Variants in FAAH2 observed in about 807,000 individuals in gnomAD.
The protein encoded by FAAH2 is fatty acid amide hydrolase 2.
Under a neutral mutation model 36.9 loss-of-function variants are expected in FAAH2, and 60 were observed. The observed-to-expected ratio is 1.63, with a 90% CI of 1.32 to 2.02. FAAH2 has a LOEUF of 2.02. Ranked by LOEUF, FAAH2 falls within the 30% of genes most tolerant of loss-of-function variation. FAAH2 has a pLI of 0.00. For synonymous variants in FAAH2, 214 were observed against 143.8 expected, an observed-to-expected ratio of 1.49 and a Z score of -3.49; for missense variants, 689 against 397.5, an observed-to-expected ratio of 1.73 and a Z score of -6.23.
chrX:57,420,631 G>A (rs1203800389), intron 7 of FAAH2, among the ~76,000 whole-genome samples: 3 of 109,479 alleles, frequency 2.7e-5, no homozygotes, highest in Non-Finnish European at 5.7e-5. Context: ...CTGAGACAAT[G>A]TGGTTTTCTA....
At chrX:57,172,308 C>A in the FAAH2 span, among the ~76,000 whole-genome samples, 5 of 110,941 alleles carry the variant, frequency 4.5e-5, no homozygotes, top group Admixed American at 9.6e-5. Flanking sequence ...GGAAGAGTTC[C>A]CTTGTCCCCC....
At chrX:57,342,659 C>A (rs763037405) in intron 5 of FAAH2, among the ~76,000 whole-genome samples, 4 of 110,754 alleles carry the variant, frequency 3.6e-5, no homozygotes, top group South Asian at 3.8e-4. Context: ...GGCACATATG[C>A]GGGCTTATTA....
At chrX:57,123,654 T>G in the FAAH2 span, among the ~76,000 whole-genome samples, 1 of 112,240 alleles carries the variant, frequency 8.9e-6, no homozygotes, top group East Asian at 2.8e-4. Context: ...CTACATCCTC[T>G]CCAGCACCTG....
the FAAH2 span, among the ~76,000 whole-genome samples, chrX:57,217,327 T>C: frequency 9.0e-6 from 1 of 111,191 alleles, no homozygotes; most frequent in Admixed American, 9.5e-5. Context: ...TGCATTTGCT[T>C]TTGGGTTTTT....
At chrX:57,177,577 AATATATATATATAT>A in the FAAH2 span, among the ~76,000 whole-genome samples, 330 of 34,784 alleles carry the variant, frequency 9.5e-3, 2 homozygotes, top group South Asian at 0.034. Context: ...TCAAAATTTA[AATATATATATATAT>A]ATATATATAT....
At chrX:57,317,636 G>T (rs893716383) in intron 3 of FAAH2, among the ~76,000 whole-genome samples, 1 of 111,399 alleles carries the variant, frequency 9.0e-6, no homozygotes, top group African/African-American at 3.3e-5. Context: ...GAATATTTAG[G>T]ACTTGAACTC....
chrX:57,394,487 A>G (rs1180851130), intron 7 of FAAH2: 13 of 1,203,240 alleles, frequency 1.1e-5, no homozygotes, highest in Non-Finnish European at 1.3e-5. Flanking sequence ...TGATATATCA[A>G]TGTCACTTGG....
At chrX:57,265,235 C>G in the FAAH2 span, among the ~76,000 whole-genome samples, 1 of 111,652 alleles carries the variant, frequency 9.0e-6, no homozygotes, top group Non-Finnish European at 1.9e-5. Flanking sequence ...GATACTCCAG[C>G]TTTCTGGGCT....
the FAAH2 span, among the ~76,000 whole-genome samples, chrX:57,250,473 A>G: frequency 2.7e-5 from 3 of 111,484 alleles, no homozygotes; most frequent in Non-Finnish European, 5.7e-5. Context: ...ACAATGTACT[A>G]TATTCTTAAA....
At chrX:57,382,559 T>G (rs965053883) in intron 7 of FAAH2, among the ~76,000 whole-genome samples, 1 of 111,619 alleles carries the variant, frequency 9.0e-6, no homozygotes, top group Non-Finnish European at 1.9e-5. Context: ...TCTATGCAAA[T>G]AAACTAGAAA....
chrX:57,370,013 G>A (rs981574958), intron 5 of FAAH2, among the ~76,000 whole-genome samples: 5 of 111,345 alleles, frequency 4.5e-5, no homozygotes, highest in Non-Finnish European at 9.4e-5. Context: ...GTAACTGTAA[G>A]CTTTTCATGT....
At chrX:57,377,773 T>A (rs1441446299) in intron 5 of FAAH2, among the ~76,000 whole-genome samples, 1 of 112,539 alleles carries the variant, frequency 8.9e-6, no homozygotes, top group African/African-American at 3.2e-5. Flanking sequence ...TTGCTATCCA[T>A]GAGCATGAAA....
the FAAH2 span, among the ~76,000 whole-genome samples, chrX:57,271,382 A>T: frequency 8.9e-6 from 1 of 112,220 alleles, no homozygotes; most frequent in Non-Finnish European, 1.9e-5. Context: ...TGAAGAGTAC[A>T]GTGGACCTCC....
At chrX:57,239,750 C>A in the FAAH2 span, among the ~76,000 whole-genome samples, 3 of 111,165 alleles carry the variant, frequency 2.7e-5, no homozygotes, top group East Asian at 8.4e-4. Flanking sequence ...ATTAAAATTT[C>A]TTTCTGATAG....
At chrX:57,449,235 GCC>G (rs1166425761) in intron 10 of FAAH2, among the ~76,000 whole-genome samples, 1 of 111,857 alleles carries the variant, frequency 8.9e-6, no homozygotes, top group Non-Finnish European at 1.9e-5. Context: ...AAGTCTAAAG[GCC>G]CCTGGACATG....
intron 10 of FAAH2, chrX:57,452,154 G>C (rs1277380739): frequency 9.3e-6 from 7 of 752,156 alleles, no homozygotes; most frequent in Non-Finnish European, 1.1e-5. Flanking sequence ...AAGATCTCTT[G>C]GACCATTTAT....
At chrX:57,301,683 G>T (rs916374360) in intron 2 of FAAH2, among the ~76,000 whole-genome samples, 5 of 109,701 alleles carry the variant, frequency 4.6e-5, no homozygotes, top group African/African-American at 1.7e-4. Flanking sequence ...AAAAAATGTG[G>T]CATATAGAAT....
the FAAH2 span, among the ~76,000 whole-genome samples, chrX:57,173,608 T>C: frequency 1.9e-4 from 21 of 111,989 alleles, no homozygotes; most frequent in Non-Finnish European, 3.6e-4. Flanking sequence ...CTTCTAGCAT[T>C]AAGTTGAATA....
At chrX:57,122,335 C>G in the FAAH2 span, among the ~76,000 whole-genome samples, 1 of 111,461 alleles carries the variant, frequency 9.0e-6, no homozygotes, top group East Asian at 2.8e-4. Context: ...TATTGAGCAC[C>G]TGTTACATAT....
Sources: gnomAD v4.1 joint callset for allele counts (sites outside exome capture counted in the v4.1 genomes callset) on GRCh38, gnomAD v4.1.1 for gene constraint, MANE v1.5 for transcripts, NCBI Gene and HGNC (gene_info 2026-07-23, HGNC 2026-07-21) for gene names.